The following COL11A2 variants were observed in gnomAD, a reference collection of about 807,000 sequenced individuals.
The protein encoded by COL11A2 is collagen type XI alpha 2 chain, also known as collagen alpha-2(XI) chain.
A neutral mutation model predicts 273.4 loss-of-function variants in COL11A2; 116 were observed. The observed-to-expected ratio is 0.42, with a 90% confidence interval of 0.36 to 0.49. The LOEUF (loss-of-function observed/expected upper bound fraction) is 0.49, where lower values mean the gene tolerates loss of function less well. COL11A2 is among the 20% of genes least tolerant of loss of function. COL11A2 has a pLI of 0.00. For synonymous variants in COL11A2, 782 were observed against 864.2 expected, an observed-to-expected ratio of 0.90 and a Z score of 1.67; for missense variants, 1,866 against 2,309.0, an observed-to-expected ratio of 0.81 and a Z score of 3.93.
In COL11A2 at chr6:33,167,357, C is replaced by T. The variant is rs1430807160; in HGVS notation, c.4123-40G>A. 1.2e-6 allele frequency: 2 copies of T among 1,612,758 alleles called. No homozygotes were observed. The highest frequency in any genetic ancestry group is 2.2e-5 in the South Asian group (2 of 91,070). ...GGGCCACAGGGGTCAGGAGGAGCATCCCCACACTGCACCCCTCCCATGGCC... is the reference window on the plus strand; with the variant it reads ...GGGCCACAGGGGTCAGGAGGAGCATTCCCACACTGCACCCCTCCCATGGCC... On this transcript the variant is annotated intron_variant, in intron 56 of 65. Transcript: ENST00000341947. The surrounding 1 kb of genome is among the most constrained non-coding windows in gnomAD (Gnocchi z 6.1).
In COL11A2 at chr6:33,179,888, T is replaced by G; in HGVS notation, c.1360-83A>C. ...AGCCAGAGGCTTTCTCCAGCGTTTC[T>G]GCCCCTTGCCCCAGGTTCTGCCCAT... On this transcript the variant is annotated intron_variant, in intron 12 of 65. Coordinates refer to ENST00000341947, the MANE Select transcript of COL11A2 (RefSeq NM_080680.3). The surrounding 1 kb of genome is among the most constrained non-coding windows in gnomAD (Gnocchi z 6.4). 7.7e-7 allele frequency: 1 copy of G among 1,291,882 alleles called. No homozygotes were observed. Among genetic ancestry groups the G allele is most frequent in the Non-Finnish European group, 1.1e-6 (1 of 901,130 alleles). The allele number at this position is 1,291,882 out of a possible 1,614,324, so 80.0% of individuals were successfully genotyped here.
rs41268010 is a variant in COL11A2, at chr6:33,175,876, G to A, written c.2268+140C>T. On this transcript the variant is annotated intron_variant, in intron 29 of 65. Transcript: ENST00000341947. ...ACACAGACCATGGGGCTATCATCCT[G>A]TAGGGGTCAGGCTCCCAAGGGAACA... The A allele has an allele frequency of 1.3e-3, 1,479 of 1,155,084 alleles. 1 individual carries two copies. Among genetic ancestry groups the A allele is most frequent in the Admixed American group, 1.6e-3 (94 of 59,350 alleles). The allele number at this position is 1,155,084 out of a possible 1,614,324, so 71.6% of individuals were successfully genotyped here.
In COL11A2 at chr6:33,189,347, T is replaced by C; in HGVS notation, c.205A>G (p.Ser69Gly). Residue 69 changes from serine (S) to glycine (G), a missense_variant, in exon 2 of 66, where the codon AGT becomes GGT. Transcript: ENST00000341947. The surrounding 1 kb of genome is among the most constrained non-coding windows in gnomAD (Gnocchi z 5.6). ...GGGAAAAGCTGGCGAGTGGGTGCAC[T>C]GAGCTGGGCAGGTCGTGCCACTCGG... is the stretch of plus-strand genomic sequence containing the variant. Reference protein sequence around the residue: ...AYRVARPAQLSAPTRQLFPGG... With the variant: ...AYRVARPAQLGAPTRQLFPGG... 6.2e-7 allele frequency: 1 copy of C among 1,613,568 alleles called. No homozygotes were observed. Among genetic ancestry groups the C allele is most frequent in the Non-Finnish European group, 8.5e-7 (1 of 1,180,028 alleles).
At position 33,177,902 on chromosome 6, in the gene COL11A2, T is replaced by C. The variant is rs1273049282; in HGVS notation, c.1873-196A>G. 2 of 777,922 alleles carry C rather than the reference T, an allele frequency of 2.6e-6. No individual in the cohort carries two copies. Among genetic ancestry groups the C allele is most frequent in the African/African-American group, 3.5e-5 (2 of 57,478 alleles). The allele number at this position is 777,922 out of a possible 1,614,324, so 48.2% of individuals were successfully genotyped here. ...TTGTGGGCTTTGGTTTTGTTTTTCT[T>C]GAAGATTTATTTCCTATGCCCAGAG... On this transcript the variant is annotated intron_variant, in intron 21 of 65. Coordinates refer to ENST00000341947, the MANE Select transcript of COL11A2 (RefSeq NM_080680.3). This position sits in a 1 kb window ranked among gnomAD's most constrained non-coding sequence, Gnocchi z 5.9.
chr6:33,172,511 T>C lies in COL11A2; in HGVS notation c.2898+19A>G. On this transcript the variant is annotated intron_variant, in intron 39 of 65. Coordinates refer to ENST00000341947, the MANE Select transcript of COL11A2 (RefSeq NM_080680.3). ...ATCCCCAGCTCCCCCACTTCCCCTC[T>C]GCCTGGCCCCTCACTGACCTTTGTT... 6.2e-7 allele frequency: 1 copy of C among 1,606,832 alleles called. No homozygotes were observed. The highest frequency in any genetic ancestry group is 8.5e-7 in the Non-Finnish European group (1 of 1,174,700).
At chr6:33,172,236 G>GA in intron 40 of COL11A2, 53 bp downstream of exon 40, 2 of 1,481,704 alleles carry the variant, frequency 1.3e-6, no homozygotes, top group Non-Finnish European at 1.9e-6. Context: ...TCGGGGTGGG[G>GA]ACTCAGGATG....
At position 33,175,622 on chromosome 6, in the gene COL11A2, G is replaced by T; in HGVS notation, c.2328C>A (p.Arg776=). ...GEDGPEGPKG[R]TGPTGDPGPP... The stretch of plus-strand genomic sequence containing the variant: ...GCCCAGGGTCTCCAGTCGGTCCAGT[G>T]CGTCCCTTTGGCCCCTCAGGACCAT... Residue 776 remains arginine (R), a synonymous_variant, in exon 30 of 66, where the codon CGC becomes CGA. Coordinates refer to ENST00000341947, the MANE Select transcript of COL11A2 (RefSeq NM_080680.3). 9 of 1,612,996 alleles carry T rather than the reference G, an allele frequency of 5.6e-6. No homozygotes were observed. The highest frequency in any genetic ancestry group is 7.6e-6 in the Non-Finnish European group (9 of 1,180,016).
chr6:33,174,132 T>A, intron 32 of COL11A2, 33 bp downstream of exon 32: 1 of 1,604,048 alleles, frequency 6.2e-7, no homozygotes, highest in South Asian at 1.1e-5. Context: ...CTCCAGCCCT[T>A]CCCTTCTCAC....
In COL11A2 at chr6:33,175,695, A is replaced by T; in HGVS notation, c.2269-14T>A. ...TCCAACTTCGCCCTGTGTGAGAGGG[A>T]AGGACAGGTGAGTGCTGGGGACTGG... On this transcript the variant is annotated splice_polypyrimidine_tract_variant and intron_variant, in intron 29 of 65. Transcript: ENST00000341947. 1 of 1,609,624 alleles carries T rather than the reference A, an allele frequency of 6.2e-7. No individual in the cohort carries two copies. The highest frequency in any genetic ancestry group is 1.1e-5 in the South Asian group (1 of 91,020).
intron 5 of COL11A2, 36 bp from the exon 6 acceptor site, chr6:33,185,814 T>A (rs1286352012): frequency 1.9e-6 from 1 of 537,956 alleles, no homozygotes. Flanking sequence ...AGGAAGGGGA[T>A]GGGGTAATTG....
chr6:33,188,770 C>T (rs753399305), intron 3 of COL11A2, among the ~76,000 whole-genome samples: 4 of 152,134 alleles, frequency 2.6e-5, no homozygotes, highest in Non-Finnish European at 5.9e-5. Context: ...AAGTAACTTG[C>T]CCAAGGTACA....
rs1472534236 is a variant in COL11A2 at position 33,173,856 on chromosome 6, T to C, written c.2583+17A>G. The C allele has an allele frequency of 1.9e-6, 3 of 1,614,004 alleles. No homozygotes were observed. Among genetic ancestry groups the C allele is most frequent in the South Asian group, 2.2e-5 (2 of 91,078 alleles). ...GAGTGGGCAGGGGGCAGTTGGAGCCTTGTAGAGACCATTCACCTTAGCTCC... is the reference window on the plus strand; with the variant it reads ...GAGTGGGCAGGGGGCAGTTGGAGCCCTGTAGAGACCATTCACCTTAGCTCC... On this transcript the variant is annotated intron_variant, in intron 34 of 65. Coordinates refer to ENST00000341947, the MANE Select transcript of COL11A2 (RefSeq NM_080680.3). The surrounding 1 kb of genome is among the most constrained non-coding windows in gnomAD (Gnocchi z 6.3).
chr6:33,164,180 T>A lies in COL11A2; in HGVS notation c.5070+87A>T, dbSNP rs1008724120. 2 of 1,479,656 alleles carry A rather than the reference T, an allele frequency of 1.4e-6. No individual in the cohort carries two copies. The highest frequency in any genetic ancestry group is 2.8e-5 in the African/African-American group (2 of 72,222). 91.7% of individuals were successfully genotyped at this position (1,479,656 alleles called of 1,614,324 possible). On this transcript the variant is annotated intron_variant, in intron 65 of 65. Transcript: ENST00000341947. This position sits in a 1 kb window ranked among gnomAD's most constrained non-coding sequence, Gnocchi z 4.7. ...AGGACGGACTCCTCCCTGCTCCCCC[T>A]GGGTGCCCTGCCCAAGGGGTCTTCC...
At chr6:33,180,818 C>T in intron 10 of COL11A2, 88 bp from the exon 11 acceptor site, 1 of 1,565,978 alleles carries the variant, frequency 6.4e-7, no homozygotes, top group Non-Finnish European at 8.8e-7. Context: ...CTGTGCAGAA[C>T]AGATCTGGGA....
Position 33,189,094 on chromosome 6 carries a change from GAC to G in COL11A2, c.325_326del (p.Val109ProfsTer16). ...GGCCCAGCTCCAGGCCCAGCTGTCG[GAC>G]ACCCTGGGCACTGTAGAGAGTCAGG... is the stretch of plus-strand genomic sequence containing the variant. ...PLLTLYSAQG[V>X]RQLGLELGRP... On this transcript the variant is annotated frameshift_variant, in exon 3 of 66. Transcript: ENST00000341947. LOFTEE classifies it high-confidence loss of function. The surrounding 1 kb of genome is among the most constrained non-coding windows in gnomAD (Gnocchi z 5.6). 6.2e-7 allele frequency: 1 copy of G among 1,614,172 alleles called. No homozygotes were observed. The highest frequency in any genetic ancestry group is 8.5e-7 in the Non-Finnish European group (1 of 1,180,012).
chr6:33,165,854 G>T lies in COL11A2; in HGVS notation c.4483-38C>A. On this transcript the variant is annotated intron_variant, in intron 62 of 65. Transcript: ENST00000341947. This position sits in a 1 kb window ranked among gnomAD's most constrained non-coding sequence, Gnocchi z 7.7. ...ACAGATGGAGAGGGCAAGAGACAAG[G>T]TTGGTGTGAGGGTGAAGTGTGGCAG... 1.2e-6 allele frequency: 2 copies of T among 1,613,728 alleles called. No individual in the cohort carries two copies.
In COL11A2 at chr6:33,179,710, C is replaced by T; in HGVS notation, c.1446+9G>A. ...AGCCTTCCCTTTCCAGGGAAGCAGC[C>T]CCACTCACCCTCGCCTGCTGCAGGA... On this transcript the variant is annotated intron_variant, in intron 13 of 65. Transcript: ENST00000341947. The surrounding 1 kb of genome is among the most constrained non-coding windows in gnomAD (Gnocchi z 6.4). The T allele has an allele frequency of 6.2e-7, 1 of 1,611,472 alleles. No individual in the cohort carries two copies. Among genetic ancestry groups the T allele is most frequent in the African/African-American group, 1.3e-5 (1 of 75,022 alleles).
intron 31 of COL11A2, 124 bp downstream of exon 31, chr6:33,174,403 G>C: frequency 7.2e-7 from 1 of 1,397,394 alleles, no homozygotes; most frequent in Non-Finnish European, 9.9e-7. Context: ...TGTAAAATGG[G>C]GGTCAGCTAA....
In COL11A2 at chr6:33,192,462, C is replaced by T; in HGVS notation, c.-222G>A. On this transcript the variant is annotated 5_prime_UTR_variant, in exon 1 of 66. Coordinates refer to ENST00000341947, the MANE Select transcript of COL11A2 (RefSeq NM_080680.3). ...GCTCCCTCCTCGGTGGCTGCCGCTTCTGTGTGTCCCCGGCCACCCTGGCGC... is the reference window on the plus strand; with the variant it reads ...GCTCCCTCCTCGGTGGCTGCCGCTTTTGTGTGTCCCCGGCCACCCTGGCGC... 1.7e-6 allele frequency: 1 copy of T among 587,952 alleles called. No homozygotes were observed. The highest frequency in any genetic ancestry group is 2.9e-5 in the East Asian group (1 of 35,028). The allele number at this position is 587,952 out of a possible 1,614,324, so 36.4% of individuals were successfully genotyped here. A position where few individuals can be genotyped will look rare whatever the true frequency, so the allele number is the denominator to read the frequency against.
Sources: gnomAD v4.1 joint callset for allele counts (sites outside exome capture counted in the v4.1 genomes callset) on GRCh38, gnomAD v4.1.1 for gene constraint, Gnocchi (gnomAD v3.1) non-coding constraint, MANE v1.5 for transcripts, NCBI Gene and HGNC (gene_info 2026-07-23, HGNC 2026-07-21) for gene names.